PACRG: variants seen among roughly 807,000 people sequenced by gnomAD.
PACRG encodes parkin coregulated gene protein.
In PACRG, 29 loss-of-function variants were observed where a neutral mutation model predicts 29.7. The ratio of observed to expected loss-of-function variants is 0.98; its 90% CI spans 0.73 to 1.33. The LOEUF (loss-of-function observed/expected upper bound fraction) is 1.33. PACRG is among the 40% of genes most tolerant of loss of function. The pLI, the probability that PACRG is intolerant of heterozygous loss-of-function variation, is 0.00. For synonymous variants in PACRG, 116 were observed against 118.7 expected (o/e 0.98, Z 0.15); for missense variants, 279 against 316.2 (o/e 0.88, Z 0.89).
chr6:163,264,987 T>A (rs1046769390), intron 4 of PACRG, among the ~76,000 whole-genome samples: 2 of 152,206 alleles, frequency 1.3e-5, no homozygotes, highest in African/African-American at 4.8e-5. Flanking sequence ...GATAATTCTA[T>A]GGTGATAGAT....
intron 1 of PACRG, among the ~76,000 whole-genome samples, chr6:162,812,531 G>T (rs968728585): frequency 1.3e-5 from 2 of 151,764 alleles, no homozygotes; most frequent in Non-Finnish European, 2.9e-5. Context: ...TTAAAATGGT[G>T]CCATATTGGT....
At chr6:162,810,240 C>T (rs76998717) in intron 1 of PACRG, among the ~76,000 whole-genome samples, 2,465 of 152,250 alleles carry the variant, frequency 0.016, 46 homozygotes, top group East Asian at 0.064. Context: ...GGTCAGCAGA[C>T]GCCAAGTAGA....
intron 4 of PACRG, among the ~76,000 whole-genome samples, chr6:163,188,674 T>G (rs1780066919): frequency 1.3e-5 from 2 of 152,224 alleles, no homozygotes; most frequent in South Asian, 2.1e-4. Context: ...TTTCTCACAC[T>G]TTGTCTAGTT....
At chr6:162,780,341 T>C (rs927657473) in intron 1 of PACRG, among the ~76,000 whole-genome samples, 2 of 152,242 alleles carry the variant, frequency 1.3e-5, no homozygotes, top group African/African-American at 4.8e-5. Context: ...AAGACTTTAA[T>C]ATTTGGGCTC....
intron 4 of PACRG, among the ~76,000 whole-genome samples, chr6:163,100,258 C>G (rs1432030172): frequency 6.6e-6 from 1 of 152,134 alleles, no homozygotes; most frequent in Admixed American, 6.5e-5. Context: ...CTTCTAGATT[C>G]CCATCACGCA....
At chr6:163,189,160 T>A (rs1780088210) in intron 4 of PACRG, among the ~76,000 whole-genome samples, 1 of 152,244 alleles carries the variant, frequency 6.6e-6, no homozygotes, top group Non-Finnish European at 1.5e-5. Context: ...GTTTGTATGA[T>A]CAAAGCAGGC....
intron 1 of PACRG, among the ~76,000 whole-genome samples, chr6:162,804,628 A>G (rs768224260): frequency 2.3e-4 from 35 of 152,050 alleles, no homozygotes; most frequent in Admixed American, 5.9e-4. Flanking sequence ...TGCTTGGACC[A>G]CTGCATTGAA....
chr6:162,986,199 A>T (rs142937784), intron 2 of PACRG, among the ~76,000 whole-genome samples: 2,205 of 152,244 alleles, frequency 0.014, 44 homozygotes, highest in Admixed American at 0.046. Flanking sequence ...TCTTTACAGA[A>T]CTAGAAAAAA....
chr6:162,992,464 C>T (rs969406296), intron 2 of PACRG, among the ~76,000 whole-genome samples: 10 of 149,278 alleles, frequency 6.7e-5, no homozygotes, highest in African/African-American at 2.5e-4. Flanking sequence ...CTGGTTTAAT[C>T]TTGGGAGAGT....
intron 2 of PACRG, among the ~76,000 whole-genome samples, chr6:162,978,105 C>A (rs1012838108): frequency 1.3e-5 from 2 of 151,524 alleles, no homozygotes; most frequent in Non-Finnish European, 2.9e-5. Context: ...GATTGCACCA[C>A]TGTACTCCAG....
chr6:163,022,615 T>G lies in PACRG; in HGVS notation c.292-39535T>G, dbSNP rs2128221578. On this transcript the variant is annotated intron_variant, in intron 2 of 4. Coordinates refer to ENST00000366888, the MANE Select transcript of PACRG (RefSeq NM_001080379.2). ...CCATCTAAGCAGGCGACATGCCAAT[T>G]TTAATTACCTGCTCCAGTGAGTCAT... Among the ~76,000 whole-genome samples the G allele has an allele frequency of 2.0e-5, 3 of 152,356 alleles. No individual in the cohort carries two copies. The Middle Eastern group carries it at 0.01, about 518-fold the overall frequency.
At chr6:162,818,026 T>G (rs959218533) in intron 2 of PACRG, among the ~76,000 whole-genome samples, 1 of 152,106 alleles carries the variant, frequency 6.6e-6, no homozygotes. Context: ...TTTTTTTTAA[T>G]TTTTAAATAT....
rs76810685 is a variant in PACRG at position 163,079,854 on chromosome 6, C to T, written c.464-9405C>T. On this transcript the variant is annotated intron_variant, in intron 3 of 4. Transcript: ENST00000366888. Reference sequence around the variant, plus strand: ...CTAAACCCTGTGGAAATGTAGACACCTTTTCTCAACCAGAAGAAGAAATGT... The same window carrying T: ...CTAAACCCTGTGGAAATGTAGACACTTTTTCTCAACCAGAAGAAGAAATGT... Among the ~76,000 whole-genome samples the T allele has an allele frequency of 4.0e-3, 592 of 147,730 alleles. 12 individuals are homozygous for T. In the East Asian group the frequency reaches 0.067, roughly 17 times the overall value.
At position 163,087,846 on chromosome 6, in the gene PACRG, G is replaced by A. The variant is rs145284763; in HGVS notation, c.464-1413G>A. Among the ~76,000 whole-genome samples, 903 of 151,394 alleles carry A rather than the reference G, an allele frequency of 6.0e-3. 6 individuals are homozygous for A. Among genetic ancestry groups the A allele is most frequent in the African/African-American group, 0.021 (869 of 41,216 alleles). On this transcript the variant is annotated intron_variant, in intron 3 of 4. Coordinates refer to ENST00000366888, the MANE Select transcript of PACRG (RefSeq NM_001080379.2). The stretch of plus-strand genomic sequence containing the variant: ...GGAGAGGCAGTGAGGATGGAGACTG[G>A]GACCGGAGCAGAGGAGGTGAGGATG...
At chr6:163,069,220 C>T (rs1206029259) in intron 3 of PACRG, among the ~76,000 whole-genome samples, 1 of 147,182 alleles carries the variant, frequency 6.8e-6, no homozygotes, top group Non-Finnish European at 1.5e-5. Context: ...GTGAAGACCG[C>T]AATACCTAAC....
At chr6:163,120,288 A>G (rs943412333) in intron 4 of PACRG, among the ~76,000 whole-genome samples, 1 of 152,178 alleles carries the variant, frequency 6.6e-6, no homozygotes, top group Non-Finnish European at 1.5e-5. Flanking sequence ...GTGTCACACC[A>G]CAAGTCTTAA....
chr6:162,981,108 C>T (rs562791034), intron 2 of PACRG, among the ~76,000 whole-genome samples: 47 of 152,128 alleles, frequency 3.1e-4, no homozygotes, highest in African/African-American at 1.1e-3. Flanking sequence ...CATAGCTTGA[C>T]TCCCACTTAT....
chr6:162,947,084 A>G, intron 2 of PACRG, among the ~76,000 whole-genome samples: 1 of 151,472 alleles, frequency 6.6e-6, no homozygotes, highest in Non-Finnish European at 1.5e-5. Flanking sequence ...CACTCTCACC[A>G]CTCCTATTCA....
chr6:162,941,174 A>T (rs554204440), intron 2 of PACRG, among the ~76,000 whole-genome samples: 1 of 152,172 alleles, frequency 6.6e-6, no homozygotes, highest in East Asian at 1.9e-4. Context: ...AGAGAAACTC[A>T]AGCCCTCATC....
Sources: gnomAD v4.1 joint callset for allele counts (sites outside exome capture counted in the v4.1 genomes callset) on GRCh38, gnomAD v4.1.1 for gene constraint, MANE v1.5 for transcripts, NCBI Gene and HGNC (gene_info 2026-07-23, HGNC 2026-07-21) for gene names.